The following SHOC1 variants were observed in gnomAD, a reference collection of about 807,000 sequenced individuals.
SHOC1 encodes the protein shortage in chiasmata 1, also known as protein shortage in chiasmata 1 ortholog.
In SHOC1, 136 loss-of-function variants were observed where a neutral mutation model predicts 179.2. The observed-to-expected ratio is 0.76, with a 90% CI of 0.66 to 0.87. The LOEUF (loss-of-function observed/expected upper bound fraction) is 0.87. SHOC1 is among the 40% of genes least tolerant of loss of function. The pLI, the probability that SHOC1 is intolerant of heterozygous loss-of-function variation, is 0.00. For synonymous variants in SHOC1, 489 were observed against 586.6 expected, an observed-to-expected ratio of 0.83 and a Z score of 2.41; for missense variants, 1,538 against 1,700.8, an observed-to-expected ratio of 0.90 and a Z score of 1.68.
intron 27 of SHOC1, among the ~76,000 whole-genome samples, chr9:111,687,626 A>T (rs1264510393): frequency 6.6e-6 from 1 of 152,214 alleles, no homozygotes. Context: ...ATTAATTAGG[A>T]TATAAGTTAG....
Position 111,722,494 on chromosome 9 carries a change from A to G in SHOC1, c.2046T>C (p.Asn682=), listed in dbSNP as rs1209530680. 2 of 1,612,950 alleles carry G rather than the reference A, an allele frequency of 1.2e-6. No homozygotes were observed. Among genetic ancestry groups the G allele is most frequent in the Middle Eastern group, 1.6e-4 (1 of 6,080 alleles). Residue 682 remains asparagine, a synonymous_variant, in exon 15 of 28, where the codon AAT becomes AAC. Transcript: ENST00000682961. ...LVSLCTLPTA[N]WKFATVIFDQ... The stretch of plus-strand genomic sequence containing the variant: ...CAAAAATAACAGTGGCAAATTTCCA[A>G]TTAGCAGTAGGGAGGGTACACAAGG...
At chr9:111,742,915 A>G (rs977961681) in intron 10 of SHOC1, among the ~76,000 whole-genome samples, 57 of 152,232 alleles carry the variant, frequency 3.7e-4, no homozygotes, top group African/African-American at 1.3e-3. Flanking sequence ...GCCATGTCCA[A>G]TATAGACACA....
Position 111,741,336 on chromosome 9 carries a change from A to G in SHOC1, c.1174+140T>C, listed in dbSNP as rs1473780173. ...CCTAGCATAATGAACCTTATGGAAG[A>G]TATCTTGGTATTTTAGCTTTAGGCG... is the stretch of plus-strand genomic sequence containing the variant. On this transcript the variant is annotated intron_variant, in intron 11 of 27. Transcript: ENST00000682961. The G allele has an allele frequency of 1.7e-5, 9 of 542,400 alleles. No homozygotes were observed. The East Asian group carries it at 2.8e-4, about 17-fold the overall frequency. 33.6% of individuals were successfully genotyped at this position (542,400 alleles called of 1,614,324 possible).
intron 22 of SHOC1, 151 bp downstream of exon 22, chr9:111,703,730 C>T: frequency 2.2e-6 from 1 of 458,856 alleles, no homozygotes; most frequent in Non-Finnish European, 3.8e-6. Context: ...TAGTCATTTT[C>T]CACAGTGACG....
intron 10 of SHOC1, among the ~76,000 whole-genome samples, chr9:111,742,788 A>C (rs1834103074): frequency 6.6e-6 from 1 of 152,228 alleles, no homozygotes; most frequent in Non-Finnish European, 1.5e-5. Context: ...AAATCTGGTC[A>C]TGTGATAGAA....
intron 10 of SHOC1, among the ~76,000 whole-genome samples, chr9:111,744,680 C>T (rs1834191447): frequency 6.6e-6 from 1 of 152,188 alleles, no homozygotes; most frequent in African/African-American, 2.4e-5. Context: ...TTACTGTCAT[C>T]TTCCTGAAAA....
chr9:111,712,376 A>C (rs1369438452), intron 18 of SHOC1, among the ~76,000 whole-genome samples: 1 of 152,240 alleles, frequency 6.6e-6, no homozygotes, highest in African/African-American at 2.4e-5. Flanking sequence ...AATATGGCAC[A>C]GCCTCAAAGG....
At chr9:111,768,962 A>G (rs1413009734) in intron 5 of SHOC1, among the ~76,000 whole-genome samples, 1 of 152,180 alleles carries the variant, frequency 6.6e-6, no homozygotes, top group Non-Finnish European at 1.5e-5. Context: ...TTTATCATAA[A>G]CAGATGTTGA....
chr9:111,686,947 T>G lies in SHOC1; in HGVS notation c.4427-77A>C, dbSNP rs1831198096. The stretch of plus-strand genomic sequence containing the variant: ...ATAGGTTTTTTCTTTTCCTTTTTTT[T>G]TTTTTTTTCTTTTTTGAGATGAAGT... On this transcript the variant is annotated intron_variant, in intron 27 of 27. Coordinates refer to ENST00000682961, the MANE Select transcript of SHOC1 (RefSeq NM_001378211.1). 6 of 937,908 alleles carry G rather than the reference T, an allele frequency of 6.4e-6. No homozygotes were observed. In the South Asian group the frequency reaches 6.5e-5, roughly 10 times the overall value. 58.1% of individuals were successfully genotyped at this position (937,908 alleles called of 1,614,324 possible). A position where few individuals can be genotyped will look rare whatever the true frequency, so the allele number is the denominator to read the frequency against.
intron 13 of SHOC1, among the ~76,000 whole-genome samples, chr9:111,726,954 G>A (rs150927665): frequency 2.8e-4 from 42 of 152,160 alleles, no homozygotes; most frequent in Middle Eastern, 3.4e-3. Context: ...AATATCAAAA[G>A]TTTCCAATAT....
At chr9:111,744,630 G>C (rs749933221) in intron 10 of SHOC1, among the ~76,000 whole-genome samples, 4 of 152,140 alleles carry the variant, frequency 2.6e-5, no homozygotes, top group Non-Finnish European at 4.4e-5. Flanking sequence ...AGTTCCCACA[G>C]TTTCCAGTCC....
At chr9:111,734,153 CA>C (rs1381312561) in intron 12 of SHOC1, among the ~76,000 whole-genome samples, 1 of 152,088 alleles carries the variant, frequency 6.6e-6, no homozygotes, top group Admixed American at 6.6e-5. Flanking sequence ...CATTTTTTTA[CA>C]AATTGAAGTT....
chr9:111,757,449 G>T (rs1002902823), intron 7 of SHOC1, among the ~76,000 whole-genome samples: 7 of 152,078 alleles, frequency 4.6e-5, no homozygotes, highest in African/African-American at 1.7e-4. Flanking sequence ...TAATCAATAT[G>T]GGCCTAGATT....
At chr9:111,776,530 C>T (rs570436979) in intron 4 of SHOC1, among the ~76,000 whole-genome samples, 1 of 152,294 alleles carries the variant, frequency 6.6e-6, no homozygotes, top group African/African-American at 2.4e-5. Context: ...ATTACCCAGC[C>T]TTTTATGTTC....
chr9:111,727,293 A>G (rs10981037), intron 13 of SHOC1, among the ~76,000 whole-genome samples: 2 of 152,318 alleles, frequency 1.3e-5, no homozygotes, highest in East Asian at 3.9e-4. Context: ...GACAGCTAAA[A>G]GAGAAAAAAG....
chr9:111,700,617 AT>A, intron 23 of SHOC1, among the ~76,000 whole-genome samples: 1 of 152,296 alleles, frequency 6.6e-6, no homozygotes, highest in South Asian at 2.1e-4. Flanking sequence ...AGAGGAAGCC[AT>A]TGTTGGATTC....
At chr9:111,774,696 C>T (rs895899661) in intron 5 of SHOC1, among the ~76,000 whole-genome samples, 3 of 152,076 alleles carry the variant, frequency 2.0e-5, no homozygotes, top group African/African-American at 7.2e-5. Context: ...CTCTCTCTCT[C>T]TCTATATATA....
rs1231830808 is a variant in SHOC1 at position 111,691,983 on chromosome 9, G to C, written c.3994C>G (p.His1332Asp). The C allele has an allele frequency of 6.2e-7, 1 of 1,613,150 alleles. No homozygotes were observed. Among genetic ancestry groups the C allele is most frequent in the Non-Finnish European group, 8.5e-7 (1 of 1,179,632 alleles). ...TTATTTATGAAACCTTTTGCTTCAT[G>C]TGTTCTCCTTTTCTGAGAATTTATA... ...RFINSQKRRTHEAKGFINKDV... is the reference protein window; with the variant it reads ...RFINSQKRRTDEAKGFINKDV... Residue 1332 changes from histidine (H) to aspartate (D), a missense_variant, in exon 27 of 28, where the codon CAT becomes GAT. Coordinates refer to ENST00000682961, the MANE Select transcript of SHOC1 (RefSeq NM_001378211.1).
rs556743364 is a variant in SHOC1, at chr9:111,713,387, G to C, written c.2416-215C>G. The stretch of plus-strand genomic sequence containing the variant: ...TCAGTGAAGAAAATATTTTGGGATA[G>C]GGCATTCTTAGCATTCTTCAAGTAT... On this transcript the variant is annotated intron_variant, in intron 17 of 27. Coordinates refer to ENST00000682961, the MANE Select transcript of SHOC1 (RefSeq NM_001378211.1). Among the ~76,000 whole-genome samples the C allele has an allele frequency of 2.6e-5, 4 of 152,218 alleles. No homozygotes were observed. The East Asian group carries it at 7.7e-4, about 29-fold the overall frequency.
Sources: gnomAD v4.1 joint callset for allele counts (sites outside exome capture counted in the v4.1 genomes callset) on GRCh38, gnomAD v4.1.1 for gene constraint, MANE v1.5 for transcripts, NCBI Gene and HGNC (gene_info 2026-07-23, HGNC 2026-07-21) for gene names.